The following GPC5 variants were observed in gnomAD, a reference collection of about 807,000 sequenced individuals.
GPC5 encodes the protein glypican 5.
Under a neutral mutation model 53.9 loss-of-function variants are expected in GPC5, and 47 were observed. The observed-to-expected ratio is 0.87, with a 90% CI of 0.69 to 1.11. The LOEUF (loss-of-function observed/expected upper bound fraction) is 1.11, where lower values mean the gene tolerates loss of function less well. Ranked by LOEUF, GPC5 falls within the 50% of genes most tolerant of loss-of-function variation. The pLI is 0.00. For missense variants in GPC5, 748 were observed against 713.1 expected (o/e 1.05, Z -0.56); for synonymous variants, 286 against 263.3 (o/e 1.09, Z -0.84).
chr13:92,637,851 T>C (rs1017108006), intron 7 of GPC5, among the ~76,000 whole-genome samples: 1 of 152,056 alleles, frequency 6.6e-6, no homozygotes, highest in African/African-American at 2.4e-5. Flanking sequence ...AAAACAGGTA[T>C]CTATGTTTGA....
In GPC5 at chr13:92,077,507, G is replaced by A. The variant is rs529666834; in HGVS notation, c.1402-67323G>A. Among the ~76,000 whole-genome samples the A allele has an allele frequency of 1.8e-4, 27 of 152,180 alleles. 1 individual carries two copies. In the South Asian group the frequency reaches 4.8e-3, roughly 27 times the overall value. On this transcript the variant is annotated intron_variant, in intron 6 of 7. Coordinates refer to ENST00000377067, the MANE Select transcript of GPC5 (RefSeq NM_004466.6). ...GTACCTTGAACTGGAGGTTGGCCCC[G>A]TTTCATGGTAGCATTTTCCCAGAAT...
intron 6 of GPC5, among the ~76,000 whole-genome samples, chr13:92,131,639 A>G (rs1366648448): frequency 3.9e-5 from 6 of 152,020 alleles, no homozygotes; most frequent in Non-Finnish European, 7.4e-5. Context: ...AACATTATTA[A>G]TGGAATGAAT....
chr13:91,828,098 A>T (rs2038602000), intron 5 of GPC5, among the ~76,000 whole-genome samples: 1 of 152,040 alleles, frequency 6.6e-6, no homozygotes, highest in Admixed American at 6.6e-5. Context: ...CATTTACATG[A>T]AGTACTTAAT....
chr13:91,601,816 A>G (rs1249635101), intron 2 of GPC5, among the ~76,000 whole-genome samples: 1 of 152,176 alleles, frequency 6.6e-6, no homozygotes, highest in East Asian at 1.9e-4. Context: ...ACAGTGCAAT[A>G]ATAATAGAAA....
At chr13:92,711,340 T>C (rs1205465449) in intron 7 of GPC5, among the ~76,000 whole-genome samples, 1 of 152,184 alleles carries the variant, frequency 6.6e-6, no homozygotes, top group Non-Finnish European at 1.5e-5. Context: ...TTGCCTCAAC[T>C]TGTACACTGT....
chr13:92,393,580 C>T (rs1447476530), intron 7 of GPC5, among the ~76,000 whole-genome samples: 1 of 152,102 alleles, frequency 6.6e-6, no homozygotes, highest in African/African-American at 2.4e-5. Context: ...ACCGGGAAGG[C>T]GGAGGTTGCA....
intron 2 of GPC5, among the ~76,000 whole-genome samples, chr13:91,512,117 T>G (rs1885259796): frequency 6.6e-6 from 1 of 152,176 alleles, no homozygotes; most frequent in African/African-American, 2.4e-5. Flanking sequence ...GATCAGGATC[T>G]TTTCATTAGC....
At chr13:91,811,749 A>G (rs895804620) in intron 5 of GPC5, among the ~76,000 whole-genome samples, 3 of 152,218 alleles carry the variant, frequency 2.0e-5, no homozygotes, top group Admixed American at 6.5e-5. Context: ...CAAAGTCATT[A>G]TAACTATCCA....
intron 5 of GPC5, among the ~76,000 whole-genome samples, chr13:91,816,541 A>G (rs1175696382): frequency 6.6e-6 from 1 of 152,162 alleles, no homozygotes; most frequent in African/African-American, 2.4e-5. Context: ...CTACTTAGTC[A>G]TTTATGTGAT....
chr13:92,145,694 A>T (rs1047039032), intron 7 of GPC5, among the ~76,000 whole-genome samples: 1 of 152,160 alleles, frequency 6.6e-6, no homozygotes, highest in African/African-American at 2.4e-5. Flanking sequence ...GCAAAACAAC[A>T]AAAGTGACCA....
chr13:92,144,016 A>G (rs1337312270), intron 6 of GPC5, among the ~76,000 whole-genome samples: 1 of 152,144 alleles, frequency 6.6e-6, no homozygotes, highest in Non-Finnish European at 1.5e-5. Flanking sequence ...TTAGAGGGGT[A>G]AATGTAACAT....
chr13:92,202,943 GAAA>G lies in GPC5; in HGVS notation c.1561+57960_1561+57962del, dbSNP rs527632010. Among the ~76,000 whole-genome samples the G allele has an allele frequency of 3.8e-4, 57 of 151,498 alleles. No homozygotes were observed. The East Asian group carries it at 4.5e-3, about 12-fold the overall frequency. ...ACTTATGCTCCTTATTAATTTACAA[GAAA>G]AAAAATTATGAAATATTAGAACTAG... On this transcript the variant is annotated intron_variant, in intron 7 of 7. Transcript: ENST00000377067.
intron 5 of GPC5, among the ~76,000 whole-genome samples, chr13:91,846,876 G>A (rs1041501601): frequency 6.6e-6 from 1 of 151,880 alleles, no homozygotes; most frequent in South Asian, 2.1e-4. Context: ...TTAGATTGTT[G>A]GAGTGAAGAT....
chr13:92,251,222 C>G (rs529470043), intron 7 of GPC5, among the ~76,000 whole-genome samples: 1 of 151,946 alleles, frequency 6.6e-6, no homozygotes, highest in African/African-American at 2.4e-5. Context: ...ACAGGCTGGA[C>G]GTATGGTATG....
rs561051730 is a variant in GPC5, at chr13:92,595,540, A to G, written c.1562-270742A>G. On this transcript the variant is annotated intron_variant, in intron 7 of 7. Coordinates refer to ENST00000377067, the MANE Select transcript of GPC5 (RefSeq NM_004466.6). ...TCCCAGCACTTTGGGAGGCCGAGGC[A>G]GGCGGATCACGAGGTCAGGAGATCG... Among the ~76,000 whole-genome samples, 261 of 152,076 alleles carry G rather than the reference A, an allele frequency of 1.7e-3. 1 individual carries two copies. Among genetic ancestry groups the G allele is most frequent in the African/African-American group, 6.1e-3 (255 of 41,500 alleles).
intron 7 of GPC5, among the ~76,000 whole-genome samples, chr13:92,238,932 G>A (rs1236234396): frequency 2.7e-5 from 4 of 150,710 alleles, no homozygotes; most frequent in Non-Finnish European, 5.9e-5. Context: ...TTTATATATG[G>A]TGTGAGGTAG....
chr13:92,291,712 C>T (rs957713715), intron 7 of GPC5, among the ~76,000 whole-genome samples: 9 of 152,202 alleles, frequency 5.9e-5, no homozygotes, highest in African/African-American at 2.2e-4. Context: ...TGCTGCTACT[C>T]CCTCTTTGGG....
intron 6 of GPC5, among the ~76,000 whole-genome samples, chr13:92,023,690 A>ACG (rs1256348654): frequency 7.6e-5 from 8 of 104,946 alleles, no homozygotes; most frequent in African/African-American, 2.7e-4. Context: ...ACACACACAC[A>ACG]CACACTCTCT....
chr13:91,538,817 C>T (rs886811142), intron 2 of GPC5, among the ~76,000 whole-genome samples: 1 of 149,490 alleles, frequency 6.7e-6, no homozygotes, highest in African/African-American at 2.5e-5. Flanking sequence ...CTCCTGACCT[C>T]ATGGTCCACC....
Sources: gnomAD v4.1 joint callset for allele counts (sites outside exome capture counted in the v4.1 genomes callset) on GRCh38, gnomAD v4.1.1 for gene constraint, MANE v1.5 for transcripts, NCBI Gene and HGNC (gene_info 2026-07-23, HGNC 2026-07-21) for gene names.